Variants in ADGRG6 observed in about 807,000 individuals in gnomAD.
ADGRG6 encodes the protein G-protein coupled receptor 126.
A neutral mutation model predicts 142.4 loss-of-function variants in ADGRG6; 84 were observed. The ratio of observed to expected loss-of-function variants is 0.59; its 90% confidence interval spans 0.49 to 0.71. The LOEUF (loss-of-function observed/expected upper bound fraction) is 0.71, where lower values mean the gene tolerates loss of function less well. ADGRG6 is among the 30% of genes least tolerant of loss of function. The pLI, the probability that ADGRG6 is intolerant of heterozygous loss-of-function variation, is 0.00. For missense variants in ADGRG6, 1,367 were observed against 1,466.6 expected (o/e 0.93, Z 1.11); for synonymous variants, 521 against 520.5 (o/e 1.00, Z -0.01).
chr6:142,365,031 T>G lies in ADGRG6; in HGVS notation c.104-2538T>G, dbSNP rs76275819. On this transcript the variant is annotated intron_variant, in intron 2 of 24. Transcript: ENST00000367609. ...AAAAATGATGCTGCCTGTCTGCATG[T>G]TGCGATGACAGAGGTTGTTGCTTAC... Among the ~76,000 whole-genome samples the G allele has an allele frequency of 1.1e-4, 16 of 152,290 alleles. No homozygotes were observed. The East Asian group carries it at 2.1e-3, about 20-fold the overall frequency.
At chr6:142,371,017 A>C in intron 4 of ADGRG6, 1 of 488,938 alleles carries the variant, frequency 2.0e-6, no homozygotes, top group Non-Finnish European at 3.6e-6. Context: ...TGCTCCATCA[A>C]GACATTTGGT....
intron 4 of ADGRG6, among the ~76,000 whole-genome samples, chr6:142,381,666 A>G (rs1179241759): frequency 1.3e-5 from 2 of 152,212 alleles, no homozygotes; most frequent in South Asian, 2.1e-4. Context: ...TTATTATACA[A>G]AAAGCCCTGA....
At chr6:142,338,140 C>T (rs951304619) in intron 2 of ADGRG6, among the ~76,000 whole-genome samples, 3 of 149,098 alleles carry the variant, frequency 2.0e-5, no homozygotes, top group Admixed American at 1.4e-4. Context: ...CCTGCCTCAG[C>T]CTCCCGAGTA....
At chr6:142,406,243 A>G (rs575804344) in intron 15 of ADGRG6, among the ~76,000 whole-genome samples, 1 of 150,360 alleles carries the variant, frequency 6.7e-6, no homozygotes, top group South Asian at 2.1e-4. Flanking sequence ...AATGAGCAGC[A>G]TTCTTGGCTT....
intron 6 of ADGRG6, among the ~76,000 whole-genome samples, chr6:142,387,790 G>A (rs1299618116): frequency 2.0e-5 from 3 of 152,144 alleles, no homozygotes; most frequent in Admixed American, 1.3e-4. Flanking sequence ...TTGATACATT[G>A]GTAATGGCAG....
chr6:142,377,503 G>T (rs1013970731), intron 4 of ADGRG6, among the ~76,000 whole-genome samples: 1 of 152,194 alleles, frequency 6.6e-6, no homozygotes, highest in African/African-American at 2.4e-5. Flanking sequence ...TTGTGGGGCG[G>T]GTGGGAGATT....
Position 142,304,551 on chromosome 6 carries a change from G to C in ADGRG6, c.2+2220G>C, listed in dbSNP as rs2114479279. Among the ~76,000 whole-genome samples, 4 of 152,278 alleles carry C rather than the reference G, an allele frequency of 2.6e-5. No individual in the cohort carries two copies. In the South Asian group the frequency reaches 8.3e-4, roughly 32 times the overall value. ...AGCCTGTAGTTTTGTAGCCTAACTG[G>C]ACACATGACTCTGAAGTCTGGAAAT... On this transcript the variant is annotated intron_variant, in intron 1 of 24. Transcript: ENST00000367609.
At chr6:142,435,475 C>A (rs1005990315) in intron 22 of ADGRG6, among the ~76,000 whole-genome samples, 4 of 151,642 alleles carry the variant, frequency 2.6e-5, no homozygotes, top group African/African-American at 9.7e-5. Context: ...TTCCTATTAC[C>A]TCTTAATTTG....
In ADGRG6 at chr6:142,418,295, T is replaced by TAA. The variant is rs541243272; in HGVS notation, c.3035+948_3035+949dup. ...CTGGGCAACAGAGTGAGACTCCATCTAAAAAAAAAAAAAAAAAAAAAAACC... is the reference window on the plus strand; with the variant it reads ...CTGGGCAACAGAGTGAGACTCCATCTAAAAAAAAAAAAAAAAAAAAAAAAACC... On this transcript the variant is annotated intron_variant, in intron 21 of 24. Transcript: ENST00000367609. 2.8e-3 allele frequency among the ~76,000 whole-genome samples: 220 copies of TAA among 79,704 alleles called. No homozygotes were observed. The South Asian group carries it at 0.038, about 14-fold the overall frequency. The allele number at this position is 79,704 out of a possible 152,430, so 52.3% of individuals were successfully genotyped here.
intron 2 of ADGRG6, among the ~76,000 whole-genome samples, chr6:142,354,404 C>T (rs1052633806): frequency 6.6e-6 from 1 of 151,908 alleles, no homozygotes; most frequent in African/African-American, 2.4e-5. Flanking sequence ...AACAAACAAA[C>T]AAAAAAACTT....
chr6:142,408,029 G>C, intron 15 of ADGRG6, 121 bp from the exon 16 acceptor site: 1 of 589,202 alleles, frequency 1.7e-6, no homozygotes, highest in Non-Finnish European at 2.9e-6. Flanking sequence ...TGATAAACAG[G>C]ATGTTCTAGA....
chr6:142,377,705 C>T (rs1781569328), intron 4 of ADGRG6, among the ~76,000 whole-genome samples: 1 of 152,174 alleles, frequency 6.6e-6, no homozygotes, highest in South Asian at 2.1e-4. Flanking sequence ...TTAACAACCT[C>T]CTGATGTGTA....
At chr6:142,327,767 G>A (rs576626458) in intron 2 of ADGRG6, among the ~76,000 whole-genome samples, 1 of 152,018 alleles carries the variant, frequency 6.6e-6, no homozygotes. Flanking sequence ...GTTGAAATAT[G>A]CCTCCATGAC....
chr6:142,336,071 T>C (rs1423132252), intron 2 of ADGRG6, among the ~76,000 whole-genome samples: 1 of 152,232 alleles, frequency 6.6e-6, no homozygotes, highest in Non-Finnish European at 1.5e-5. Context: ...AGCAACTTTT[T>C]ATGATCTCTT....
chr6:142,312,545 A>G (rs181477989), intron 2 of ADGRG6, among the ~76,000 whole-genome samples: 12 of 152,198 alleles, frequency 7.9e-5, no homozygotes, highest in Middle Eastern at 3.4e-3. Flanking sequence ...TTTACCCACT[A>G]TCTTGAAACC....
At chr6:142,386,648 TGTC>T (rs1782041680) in intron 6 of ADGRG6, among the ~76,000 whole-genome samples, 1 of 152,196 alleles carries the variant, frequency 6.6e-6, no homozygotes, top group Non-Finnish European at 1.5e-5. Context: ...TATCACTTAT[TGTC>T]GTGCATTTAT....
intron 1 of ADGRG6, among the ~76,000 whole-genome samples, chr6:142,305,863 C>T (rs1777469327): frequency 6.6e-6 from 1 of 151,766 alleles, no homozygotes; most frequent in Admixed American, 6.6e-5. Context: ...GAGGTACACC[C>T]AGCTTAATAA....
intron 15 of ADGRG6, 79 bp from the exon 16 acceptor site, chr6:142,408,071 A>G: frequency 9.7e-7 from 1 of 1,034,684 alleles, no homozygotes; most frequent in Non-Finnish European, 1.4e-6. Flanking sequence ...AATTGCTGAC[A>G]GTTTGCTTAT....
chr6:142,352,460 G>T (rs1780232644), intron 2 of ADGRG6, among the ~76,000 whole-genome samples: 2 of 152,198 alleles, frequency 1.3e-5, no homozygotes, highest in Non-Finnish European at 2.9e-5. Context: ...ACTAGGAACT[G>T]CTTGAGTGGG....
Sources: allele counts gnomAD v4.1 joint callset (sites outside exome capture counted in the v4.1 genomes callset), GRCh38; gene constraint gnomAD v4.1.1; transcripts MANE v1.5; gene names NCBI Gene and HGNC (gene_info 2026-07-23, HGNC 2026-07-21).